The following TTLL5 variants were observed in gnomAD, a reference collection of about 807,000 sequenced individuals.
TTLL5 encodes tubulin polyglutamylase TTLL5.
TTLL5 carries 132 observed loss-of-function variants against 168.4 expected under a neutral mutation model. That is an observed-to-expected ratio of 0.78 (90% CI 0.68 to 0.91). The LOEUF (loss-of-function observed/expected upper bound fraction) is 0.91. TTLL5 is among the 40% of genes least tolerant of loss of function. The probability of loss-of-function intolerance (pLI) is 0.00; values close to 1 mark genes in which losing one functional copy is unlikely to be tolerated. For synonymous variants in TTLL5, 546 were observed against 558.6 expected (o/e 0.98, Z 0.32); for missense variants, 1,545 against 1,581.5 (o/e 0.98, Z 0.39).
rs1886082603 is a variant in TTLL5 at position 75,699,176 on chromosome 14, T to G, written c.503-12T>G. 1 of 1,609,448 alleles carries G rather than the reference T, an allele frequency of 6.2e-7. No homozygotes were observed. ...GTTTCCTCTGTTTTTTATCTCCCAA[T>G]ATTTTGAGCAGATTCATATTCGAAG... On this transcript the variant is annotated splice_polypyrimidine_tract_variant and intron_variant, in intron 6 of 31. Coordinates refer to ENST00000298832, the MANE Select transcript of TTLL5 (RefSeq NM_015072.5).
chr14:75,764,074 T>C (rs1890819439), intron 18 of TTLL5, among the ~76,000 whole-genome samples: 1 of 152,184 alleles, frequency 6.6e-6, no homozygotes, highest in Non-Finnish European at 1.5e-5. Context: ...ACTAAGACAC[T>C]TCTATGCGTC....
intron 31 of TTLL5, among the ~76,000 whole-genome samples, chr14:75,931,038 C>T (rs960128514): frequency 4.6e-5 from 7 of 152,170 alleles, no homozygotes; most frequent in African/African-American, 1.7e-4. Flanking sequence ...GATCTGCTCC[C>T]GTAGTTTCAG....
intron 31 of TTLL5, among the ~76,000 whole-genome samples, chr14:75,917,238 A>G (rs975131652): frequency 6.6e-6 from 1 of 152,220 alleles, no homozygotes; most frequent in Admixed American, 6.5e-5. Flanking sequence ...TTGTGTATGT[A>G]TTATACCCCA....
chr14:75,808,270 T>TCCCC (rs1893773521), intron 27 of TTLL5, among the ~76,000 whole-genome samples: 1 of 152,186 alleles, frequency 6.6e-6, no homozygotes, highest in Non-Finnish European at 1.5e-5. Context: ...AAAGAGAAGA[T>TCCCC]ATGCCAAGAG....
chr14:75,772,548 T>C (rs1891403182), intron 21 of TTLL5, among the ~76,000 whole-genome samples: 2 of 152,236 alleles, frequency 1.3e-5, no homozygotes, highest in Non-Finnish European at 2.9e-5. Flanking sequence ...ATCAGTCATT[T>C]GAACATTCCT....
At chr14:75,791,012 G>A (rs571207987) in intron 26 of TTLL5, among the ~76,000 whole-genome samples, 22 of 149,628 alleles carry the variant, frequency 1.5e-4, no homozygotes, top group Admixed American at 4.0e-4. Context: ...AGGCTGAGGC[G>A]GGAGATTGGC....
In TTLL5 at chr14:75,743,803, A is replaced by G. The variant is rs12590261; in HGVS notation, c.1282-1292A>G. On this transcript the variant is annotated intron_variant, in intron 15 of 31. Coordinates refer to ENST00000298832, the MANE Select transcript of TTLL5 (RefSeq NM_015072.5). Reference sequence around the variant, plus strand: ...TCACCGTGTTAGCCAGGATGGTCTCAATCTCCTGACCTTGTGATCTGCCCA... The same window carrying G: ...TCACCGTGTTAGCCAGGATGGTCTCGATCTCCTGACCTTGTGATCTGCCCA... Among the ~76,000 whole-genome samples the G allele has an allele frequency of 4.8e-3, 736 of 151,820 alleles. 4 individuals are homozygous for G. Among genetic ancestry groups the G allele is most frequent in the Non-Finnish European group, 7.4e-3 (503 of 67,896 alleles).
intron 4 of TTLL5, among the ~76,000 whole-genome samples, chr14:75,682,018 C>T (rs1040588260): frequency 9.2e-5 from 14 of 151,514 alleles, no homozygotes; most frequent in Non-Finnish European, 2.1e-4. Context: ...GGTGAAACCC[C>T]GTCTCTACTA....
At chr14:75,894,720 A>G (rs1441817469) in intron 30 of TTLL5, among the ~76,000 whole-genome samples, 2 of 152,386 alleles carry the variant, frequency 1.3e-5, no homozygotes, top group East Asian at 3.9e-4. Flanking sequence ...TATTGGCTAC[A>G]TGAAAGAGAC....
chr14:75,846,029 C>T (rs749378707), intron 28 of TTLL5, among the ~76,000 whole-genome samples: 3 of 152,128 alleles, frequency 2.0e-5, no homozygotes, highest in Non-Finnish European at 2.9e-5. Context: ...ATATCTTTAC[C>T]CTAGTCTATG....
intron 31 of TTLL5, among the ~76,000 whole-genome samples, chr14:75,926,156 CTTTTTTTTTTTTTTTT>C (rs34048806): frequency 3.3e-5 from 1 of 29,952 alleles, no homozygotes; most frequent in African/African-American, 1.9e-4. Flanking sequence ...GCAACCCCAG[CTTTTTTTTTTTTTTTT>C]TTTTTTTTTT....
intron 30 of TTLL5, among the ~76,000 whole-genome samples, chr14:75,900,190 C>T (rs543614697): frequency 6.2e-4 from 94 of 152,220 alleles, no homozygotes; most frequent in African/African-American, 2.2e-3. Context: ...TGAGGATTTC[C>T]GATGTGGCTG....
chr14:75,743,143 T>C (rs1448986924), intron 15 of TTLL5, among the ~76,000 whole-genome samples: 1 of 152,224 alleles, frequency 6.6e-6, no homozygotes, highest in Non-Finnish European at 1.5e-5. Flanking sequence ...TAAAAGCCCC[T>C]GCACTTCACA....
Position 75,950,700 on chromosome 14 carries a change from G to GCTCA in TTLL5, c.3824-3722_3824-3719dup, listed in dbSNP as rs532380507. On this transcript the variant is annotated intron_variant, in intron 31 of 31. Coordinates refer to ENST00000298832, the MANE Select transcript of TTLL5 (RefSeq NM_015072.5). ...ACCTTTGTCAGGGCTGGGTGCATTG[G>GCTCA]CTCACACCTGTAATCCCAGCACTTT... 8.0e-4 allele frequency among the ~76,000 whole-genome samples: 122 copies of GCTCA among 152,246 alleles called. 1 individual carries two copies. The highest frequency in any genetic ancestry group is 2.8e-3 in the African/African-American group (118 of 41,536).
intron 31 of TTLL5, among the ~76,000 whole-genome samples, chr14:75,945,506 C>T (rs938627888): frequency 2.0e-5 from 3 of 151,950 alleles, no homozygotes; most frequent in African/African-American, 7.2e-5. Context: ...CTGCCCGCCT[C>T]AGCCTCCCAA....
intron 15 of TTLL5, among the ~76,000 whole-genome samples, chr14:75,736,380 A>G (rs548284608): frequency 1.3e-5 from 2 of 151,706 alleles, no homozygotes; most frequent in Non-Finnish European, 2.9e-5. Flanking sequence ...ATATACTATT[A>G]TTTATTCAGA....
chr14:75,697,839 G>A lies in TTLL5; in HGVS notation c.503-1349G>A, dbSNP rs138443726. 9.0e-3 allele frequency among the ~76,000 whole-genome samples: 1,364 copies of A among 152,254 alleles called. 22 individuals are homozygous for A. Among genetic ancestry groups the A allele is most frequent in the African/African-American group, 0.032 (1,311 of 41,556 alleles). Reference sequence around the variant, plus strand: ...TAGGGAACTTTCTTAGGTTTATGCTGTTGTATTCTAGATAAACTGGGACTG... The same window carrying A: ...TAGGGAACTTTCTTAGGTTTATGCTATTGTATTCTAGATAAACTGGGACTG... On this transcript the variant is annotated intron_variant, in intron 6 of 31. Transcript: ENST00000298832.
At chr14:75,816,974 ATTTTTT>A (rs35736530) in intron 27 of TTLL5, among the ~76,000 whole-genome samples, 20 of 96,092 alleles carry the variant, frequency 2.1e-4, no homozygotes, top group East Asian at 3.2e-4. Flanking sequence ...TCCCTGTCTT[ATTTTTT>A]TTTTTTTTTT....
At chr14:75,824,366 A>G (rs1386680548) in intron 28 of TTLL5, among the ~76,000 whole-genome samples, 1 of 152,120 alleles carries the variant, frequency 6.6e-6, no homozygotes, top group Non-Finnish European at 1.5e-5. Flanking sequence ...TATGACAAAG[A>G]TCTGAATTTT....
Sources: gnomAD v4.1 joint callset for allele counts (sites outside exome capture counted in the v4.1 genomes callset) on GRCh38, gnomAD v4.1.1 for gene constraint, MANE v1.5 for transcripts, NCBI Gene and HGNC (gene_info 2026-07-23, HGNC 2026-07-21) for gene names.